Variants in F8 observed in about 807,000 individuals in gnomAD.
F8 encodes the protein coagulation factor VIII, also known as antihemophilic factor.
F8 carries 12 observed loss-of-function variants against 140.6 expected under a neutral mutation model. That is an observed-to-expected ratio of 0.09 (90% CI 0.05 to 0.14). The LOEUF is 0.14. Among genes scored for constraint, F8 ranks in the 10% least tolerant of loss-of-function variants. The pLI is 1.00. For synonymous variants in F8, 585 were observed against 614.6 expected, an observed-to-expected ratio of 0.95 and a Z score of 0.71; for missense variants, 1,354 against 1,720.7, an observed-to-expected ratio of 0.79 and a Z score of 3.77.
chrX:155,002,153 G>A (rs2073649638), intron 1 of F8, among the ~76,000 whole-genome samples: 2 of 112,206 alleles, frequency 1.8e-5, no homozygotes, highest in Admixed American at 9.4e-5. Context: ...CATCTATGTC[G>A]TAGCATGTGT....
At chrX:154,910,882 C>T (rs2073063517) in intron 14 of F8, among the ~76,000 whole-genome samples, 1 of 110,709 alleles carries the variant, frequency 9.0e-6, no homozygotes, top group Non-Finnish European at 1.9e-5. Flanking sequence ...ATTGTATGTT[C>T]TATTTACTGA....
chrX:154,861,128 C>T (rs1230080790), intron 24 of F8, among the ~76,000 whole-genome samples: 3 of 110,961 alleles, frequency 2.7e-5, no homozygotes, highest in African/African-American at 9.8e-5. Flanking sequence ...ATGATCTCAG[C>T]TCACTGCAAC....
chrX:154,981,967 C>T lies in F8; in HGVS notation c.787+2720G>A, dbSNP rs184447019. Among the ~76,000 whole-genome samples the T allele has an allele frequency of 3.9e-3, 431 of 111,415 alleles. 3 individuals carry two copies. The highest frequency in any genetic ancestry group is 0.013 in the African/African-American group (412 of 30,618). On this transcript the variant is annotated intron_variant, in intron 6 of 25. Coordinates refer to ENST00000360256, the MANE Select transcript of F8 (RefSeq NM_000132.4). ...TTGGGAGGCCAAGGCGGGCAGATCA[C>T]GAGGTCAGGAGTTCAAGACCGGCCT...
At chrX:154,909,014 G>T in intron 14 of F8, 1 of 214,259 alleles carries the variant, frequency 4.7e-6, no homozygotes. Context: ...GGATGGTTCA[G>T]GAAGCCAGCT....
intron 14 of F8, among the ~76,000 whole-genome samples, chrX:154,926,205 G>C (rs1256709742): frequency 8.9e-6 from 1 of 112,006 alleles, no homozygotes; most frequent in Non-Finnish European, 1.9e-5. Context: ...GTGGAACTGT[G>C]AGTCCATTAA....
At chrX:154,850,584 C>T (rs782112373) in intron 25 of F8, among the ~76,000 whole-genome samples, 119 of 108,165 alleles carry the variant, frequency 1.1e-3, no homozygotes, top group African/African-American at 3.8e-3. Context: ...ACTACAAGTG[C>T]ACACTACCAC....
intron 25 of F8, among the ~76,000 whole-genome samples, chrX:154,839,441 C>T (rs6643709): frequency 0.56 from 58,299 of 104,206 alleles, 14,573 homozygotes; most frequent in East Asian, 0.78. Context: ...CGGCTCACTG[C>T]AAGCTCCGCC....
chrX:154,848,735 C>T (rs782621793), intron 25 of F8, among the ~76,000 whole-genome samples: 32 of 111,429 alleles, frequency 2.9e-4, no homozygotes, highest in East Asian at 1.4e-3. Context: ...TTGTGCTTCC[C>T]GGGTGAGGTG....
intron 13 of F8, 122 bp downstream of exon 13, chrX:154,947,576 T>C: frequency 1.7e-6 from 1 of 579,465 alleles, no homozygotes; most frequent in Admixed American, 2.3e-5. Flanking sequence ...AGAAACTAGA[T>C]CCCTGTACCT....
intron 25 of F8, among the ~76,000 whole-genome samples, chrX:154,844,648 T>C (rs2072549147): frequency 8.9e-6 from 1 of 111,804 alleles, no homozygotes. Flanking sequence ...TTTTGTATCC[T>C]GAGACTTTGC....
At chrX:155,012,997 T>G (rs1368235240) in intron 1 of F8, among the ~76,000 whole-genome samples, 5 of 108,455 alleles carry the variant, frequency 4.6e-5, no homozygotes, top group African/African-American at 1.3e-4. Context: ...GTATAAAAAA[T>G]TAGCCAGGCG....
intron 11 of F8, among the ~76,000 whole-genome samples, chrX:154,955,325 T>C (rs1481221119): frequency 1.0e-5 from 1 of 95,435 alleles, no homozygotes; most frequent in African/African-American, 3.9e-5. Context: ...TAATTTTTTT[T>C]TTTTTTTTTT....
At chrX:154,984,476 C>G (rs1462162516) in intron 6 of F8, among the ~76,000 whole-genome samples, 4 of 111,671 alleles carry the variant, frequency 3.6e-5, no homozygotes, top group African/African-American at 6.5e-5. Flanking sequence ...AAAAATCTGA[C>G]TGTGGGCTGT....
chrX:154,931,113 G>C lies in F8; in HGVS notation c.2677C>G (p.Leu893Val). Residue 893 changes from leucine to valine, a missense_variant, in exon 14 of 26, where the codon CTT becomes GTT. By Grantham distance (32) the Leu-to-Val change is conservative (BLOSUM62 1). This residue lies in a region of F8 where 658 missense variants were observed against 666.5 expected (regional missense o/e 0.99). Coordinates refer to ENST00000360256, the MANE Select transcript of F8 (RefSeq NM_000132.4). ...GATGTACTAGAAACTTTGAAATCAAGTTTCTTCAACTCTGTTGCTGCAGTT... is the reference window on the plus strand; with the variant it reads ...GATGTACTAGAAACTTTGAAATCAACTTTCTTCAACTCTGTTGCTGCAGTT... ...GTTAATELKK[L>V]DFKVSSTSNN... The C allele has an allele frequency of 9.1e-6, 11 of 1,207,514 alleles. No individual in the cohort carries two copies. The highest frequency in any genetic ancestry group is 1.1e-5 in the Non-Finnish European group (10 of 894,233).
intron 3 of F8, among the ~76,000 whole-genome samples, chrX:154,994,151 A>C (rs186626732): frequency 1.4e-3 from 162 of 112,638 alleles, no homozygotes; most frequent in Non-Finnish European, 2.7e-3. Context: ...CATGTGTTTA[A>C]TATAAAGAAT....
At chrX:155,001,040 G>T (rs782034014) in intron 1 of F8, among the ~76,000 whole-genome samples, 1 of 111,472 alleles carries the variant, frequency 9.0e-6, no homozygotes, top group Non-Finnish European at 1.9e-5. Flanking sequence ...GAATAAGAAG[G>T]GGTCTGGGCA....
chrX:154,985,358 C>T lies in F8; in HGVS notation c.671-555G>A, dbSNP rs190283494. On this transcript the variant is annotated intron_variant, in intron 5 of 25. Transcript: ENST00000360256. ...GGCTGAGGCAGGAGAATCACTTGAA[C>T]CTGGGAGGTGGACGTTGCAGTGAGC... 7.2e-5 allele frequency among the ~76,000 whole-genome samples: 8 copies of T among 110,887 alleles called. No individual in the cohort carries two copies. In the East Asian group the frequency reaches 2.3e-3, roughly 31 times the overall value.
chrX:154,937,806 C>T (rs1431915604), intron 13 of F8, among the ~76,000 whole-genome samples: 1 of 111,650 alleles, frequency 9.0e-6, no homozygotes, highest in African/African-American at 3.3e-5. Context: ...AAACCATGCT[C>T]ATGGACAGGA....
intron 14 of F8, 26 bp downstream of exon 14, chrX:154,928,545 C>A (rs2073172092): frequency 8.7e-7 from 1 of 1,152,584 alleles, no homozygotes; most frequent in African/African-American, 1.8e-5. Flanking sequence ...AAGAGCAGAG[C>A]AAAGGAATAA....
Sources: gnomAD v4.1 joint callset for allele counts (sites outside exome capture counted in the v4.1 genomes callset) on GRCh38, gnomAD v4.1.1 for gene constraint, gnomAD v4.1.1 regional missense constraint, MANE v1.5 for transcripts, NCBI Gene and HGNC (gene_info 2026-07-23, HGNC 2026-07-21) for gene names.